TMEM163: variants seen among roughly 807,000 people sequenced by gnomAD.
TMEM163 encodes transmembrane protein 163.
TMEM163 carries 17 observed loss-of-function variants against 29.3 expected under a neutral mutation model. That is an observed-to-expected ratio of 0.58 (90% confidence interval 0.40 to 0.87). TMEM163 has a LOEUF of 0.87. TMEM163 is among the 40% of genes least tolerant of loss of function. The pLI, the probability that TMEM163 is intolerant of heterozygous loss-of-function variation, is 0.00. For missense variants in TMEM163, 303 were observed against 381.5 expected, an observed-to-expected ratio of 0.79 and a Z score of 1.71; for synonymous variants, 157 against 160.6, an observed-to-expected ratio of 0.98 and a Z score of 0.17.
Position 134,456,030 on chromosome 2 carries a change from T to G in TMEM163, c.*686A>C, listed in dbSNP as rs1686379127. ...ATTACAAATAAACTGTAGTTTCACATCTCTCAAAAATGGACCCAGTTTTCA... is the reference window on the plus strand; with the variant it reads ...ATTACAAATAAACTGTAGTTTCACAGCTCTCAAAAATGGACCCAGTTTTCA... On this transcript the variant is annotated 3_prime_UTR_variant, in exon 8 of 8. Transcript: ENST00000281924. 6.5e-6 allele frequency: 1 copy of G among 152,702 alleles called. No individual in the cohort carries two copies. Among genetic ancestry groups the G allele is most frequent in the Non-Finnish European group, 1.5e-5 (1 of 68,102 alleles). 9.5% of individuals were successfully genotyped at this position (152,702 alleles called of 1,614,324 possible). A position where few individuals can be genotyped will look rare whatever the true frequency, so the allele number is the denominator to read the frequency against.
At chr2:134,603,215 G>A (rs555853352) in intron 2 of TMEM163, among the ~76,000 whole-genome samples, 2 of 152,208 alleles carry the variant, frequency 1.3e-5, no homozygotes, top group South Asian at 2.1e-4. Context: ...AAGGACCTGG[G>A]CAGACTACAC....
At chr2:134,681,019 G>A (rs1221498092) in intron 2 of TMEM163, among the ~76,000 whole-genome samples, 1 of 152,204 alleles carries the variant, frequency 6.6e-6, no homozygotes, top group African/African-American at 2.4e-5. Flanking sequence ...CCAGGATGGA[G>A]CCGCCACCCA....
chr2:134,603,113 CT>C (rs747423640), intron 2 of TMEM163, among the ~76,000 whole-genome samples: 1 of 152,124 alleles, frequency 6.6e-6, no homozygotes, highest in Non-Finnish European at 1.5e-5. Flanking sequence ...TCCAGGGTCA[CT>C]CTAGACTCTT....
rs935945806 is a variant in TMEM163, at chr2:134,627,608, A to T, written c.323-75517T>A. ...AATTTAAAGACACAATTAGCTAACT[A>T]TGGCCTACCACAGATTTTTATTTGG... On this transcript the variant is annotated intron_variant, in intron 2 of 7. Transcript: ENST00000281924. Among the ~76,000 whole-genome samples, 6 of 152,358 alleles carry T rather than the reference A, an allele frequency of 3.9e-5. No homozygotes were observed. In the South Asian group the frequency reaches 1.2e-3, roughly 32 times the overall value.
At chr2:134,705,525 C>T (rs945897490) in intron 2 of TMEM163, among the ~76,000 whole-genome samples, 4 of 151,770 alleles carry the variant, frequency 2.6e-5, no homozygotes, top group East Asian at 1.9e-4. Flanking sequence ...GAGGCATGGC[C>T]GTCAGGCATG....
intron 1 of TMEM163, among the ~76,000 whole-genome samples, chr2:134,715,035 G>A (rs1047701902): frequency 3.3e-5 from 5 of 152,102 alleles, no homozygotes; most frequent in African/African-American, 1.2e-4. Flanking sequence ...TGATTTTCAG[G>A]AGAAGTGAAG....
chr2:134,696,692 T>C (rs1364309088), intron 2 of TMEM163, among the ~76,000 whole-genome samples: 1 of 152,246 alleles, frequency 6.6e-6, no homozygotes, highest in Non-Finnish European at 1.5e-5. Flanking sequence ...GTTGCTATTA[T>C]ATAAGAATAC....
At chr2:134,480,690 G>A (rs1019579961) in intron 5 of TMEM163, among the ~76,000 whole-genome samples, 18 of 152,236 alleles carry the variant, frequency 1.2e-4, no homozygotes, top group Admixed American at 3.3e-4. Flanking sequence ...AACGGGAGCC[G>A]TGGGAGACAG....
chr2:134,668,530 T>TA (rs72287194), intron 2 of TMEM163, among the ~76,000 whole-genome samples: 8 of 150,264 alleles, frequency 5.3e-5, no homozygotes, highest in Middle Eastern at 3.4e-3. Flanking sequence ...ACAGAGATTG[T>TA]AAAAAAATGG....
At position 134,455,970 on chromosome 2, in the gene TMEM163, A is replaced by AGAT. The variant is rs1574142937; in HGVS notation, c.*743_*745dup. ...CCCATTACCACTTAACACAGCATAT[A>AGAT]GATATATGCATATACGGATAGATTA... On this transcript the variant is annotated 3_prime_UTR_variant, in exon 8 of 8. Coordinates refer to ENST00000281924, the MANE Select transcript of TMEM163 (RefSeq NM_030923.5). The AGAT allele has an allele frequency of 1.3e-5, 2 of 152,746 alleles. No individual in the cohort carries two copies. The highest frequency in any genetic ancestry group is 3.9e-4 in the East Asian group (2 of 5,180). The allele number at this position is 152,746 out of a possible 1,614,324, so 9.5% of individuals were successfully genotyped here.
intron 5 of TMEM163, among the ~76,000 whole-genome samples, chr2:134,499,182 A>G (rs1046288944): frequency 2.0e-4 from 23 of 115,172 alleles, no homozygotes; most frequent in Non-Finnish European, 3.4e-4. Context: ...TTAAAAAAAT[A>G]TAATAACTAA....
At chr2:134,548,408 TA>T (rs1680837159) in intron 4 of TMEM163, among the ~76,000 whole-genome samples, 4 of 152,234 alleles carry the variant, frequency 2.6e-5, no homozygotes. Flanking sequence ...AATATTGCAT[TA>T]GTGGCAACCA....
chr2:134,516,627 T>TTA (rs1262017892), intron 4 of TMEM163, among the ~76,000 whole-genome samples: 4 of 148,054 alleles, frequency 2.7e-5, no homozygotes, highest in Admixed American at 6.8e-5. Flanking sequence ...TCATATATTT[T>TTA]TATATATATT....
At chr2:134,708,786 C>T (rs1315239006) in intron 2 of TMEM163, among the ~76,000 whole-genome samples, 2 of 152,052 alleles carry the variant, frequency 1.3e-5, no homozygotes, top group Middle Eastern at 3.2e-3. Flanking sequence ...GACAGGGTTT[C>T]ACCATATTGG....
intron 2 of TMEM163, among the ~76,000 whole-genome samples, chr2:134,631,540 C>T (rs1682971587): frequency 6.6e-6 from 1 of 152,092 alleles, no homozygotes; most frequent in Non-Finnish European, 1.5e-5. Flanking sequence ...TATCCAGGCC[C>T]ACTTTACAGA....
At chr2:134,707,400 AAGAG>A (rs1684838189) in intron 2 of TMEM163, among the ~76,000 whole-genome samples, 1 of 152,226 alleles carries the variant, frequency 6.6e-6, no homozygotes, top group South Asian at 2.1e-4. Context: ...CTGCCAGCGG[AAGAG>A]AGAGACTTTA....
At chr2:134,516,702 TTC>T (rs1252309663) in intron 4 of TMEM163, among the ~76,000 whole-genome samples, 11 of 104,492 alleles carry the variant, frequency 1.1e-4, no homozygotes, top group Admixed American at 4.6e-4. Context: ...TATGCATATA[TTC>T]ATATATACAT....
intron 2 of TMEM163, among the ~76,000 whole-genome samples, chr2:134,700,781 C>A (rs1684682711): frequency 6.6e-6 from 1 of 152,002 alleles, no homozygotes; most frequent in African/African-American, 2.4e-5. Context: ...TGACTGTAAT[C>A]TCAGCTACTT....
chr2:134,518,823 C>G (rs1574200291), intron 4 of TMEM163, among the ~76,000 whole-genome samples: 1 of 152,214 alleles, frequency 6.6e-6, no homozygotes, highest in Non-Finnish European at 1.5e-5. Context: ...ACTGTCCAAT[C>G]TGCTGCCTTT....
Sources: gnomAD v4.1 joint callset for allele counts (sites outside exome capture counted in the v4.1 genomes callset) on GRCh38, gnomAD v4.1.1 for gene constraint, MANE v1.5 for transcripts, NCBI Gene and HGNC (gene_info 2026-07-23, HGNC 2026-07-21) for gene names.